DDX60: variants seen among roughly 807,000 people sequenced by gnomAD.
DDX60 encodes the protein probable ATP-dependent RNA helicase DDX60.
Under a neutral mutation model 212.8 loss-of-function variants are expected in DDX60, and 165 were observed. The observed-to-expected ratio is 0.78, with a 90% CI of 0.68 to 0.88. DDX60 has a LOEUF of 0.88. Among genes scored for constraint, DDX60 ranks in the 40% least tolerant of loss-of-function variants. DDX60 has a pLI of 0.00. For missense variants in DDX60, 1,905 were observed against 2,003.9 expected (o/e 0.95, Z 0.94); for synonymous variants, 703 against 685.3 (o/e 1.03, Z -0.40).
At chr4:168,304,504 C>T (rs1440716920) in intron 5 of DDX60, among the ~76,000 whole-genome samples, 1 of 152,058 alleles carries the variant, frequency 6.6e-6, no homozygotes, top group Admixed American at 6.5e-5. Context: ...AGCTTGAGAC[C>T]AGCCTGGGCA....
chr4:168,285,333 G>T (rs183689633), intron 11 of DDX60, 60 bp downstream of exon 11: 3 of 949,346 alleles, frequency 3.2e-6, no homozygotes, highest in East Asian at 2.4e-5. Flanking sequence ...AATAATCCTC[G>T]TTGAGTAACT....
intron 3 of DDX60, among the ~76,000 whole-genome samples, chr4:168,310,616 A>G (rs1465876784): frequency 6.6e-6 from 1 of 152,136 alleles, no homozygotes; most frequent in Admixed American, 6.5e-5. Context: ...AATAGATAGG[A>G]TGGGTGCAAA....
chr4:168,258,936 C>G (rs1374224480), intron 25 of DDX60, among the ~76,000 whole-genome samples: 1 of 152,106 alleles, frequency 6.6e-6, no homozygotes, highest in African/African-American at 2.4e-5. Flanking sequence ...ACTAAAAAAC[C>G]TTGTTAAACT....
At chr4:168,237,522 A>G in intron 31 of DDX60, 95 bp from the exon 32 acceptor site, 1 of 1,277,958 alleles carries the variant, frequency 7.8e-7, no homozygotes, top group Non-Finnish European at 1.1e-6. Flanking sequence ...TAATGCCAAT[A>G]TAAGAAATAT....
chr4:168,268,895 C>A lies in DDX60; in HGVS notation c.2745G>T (p.Leu915Phe). The A allele has an allele frequency of 6.3e-7, 1 of 1,593,322 alleles. No individual in the cohort carries two copies. The highest frequency in any genetic ancestry group is 8.6e-7 in the Non-Finnish European group (1 of 1,167,604). The stretch of plus-strand genomic sequence containing the variant: ...GATTACTTATGGTAGCTGAAAGAGC[C>A]AAAAAGGGACATCGGATCATGACAA... ...HLLVMIRCPFLALSATISNPE... is the reference protein window; with the variant it reads ...HLLVMIRCPFFALSATISNPE... The change falls in exon 20 of 38, where the codon TTG (leucine) becomes TTT (phenylalanine). Residue 915 changes from leucine to phenylalanine, a missense_variant. Coordinates refer to ENST00000393743, the MANE Select transcript of DDX60 (RefSeq NM_017631.6).
the DDX60 span, among the ~76,000 whole-genome samples, chr4:168,324,719 T>A: frequency 6.6e-6 from 1 of 152,244 alleles, no homozygotes; most frequent in African/African-American, 2.4e-5. Context: ...CAGGGTCTTA[T>A]ACTTATGCAT....
At position 168,236,384 on chromosome 4, in the gene DDX60, C is replaced by T. The variant is rs1200181187; in HGVS notation, c.4412-11G>A. The T allele has an allele frequency of 1.3e-6, 2 of 1,588,786 alleles. No homozygotes were observed. The highest frequency in any genetic ancestry group is 1.7e-6 in the Non-Finnish European group (2 of 1,167,864). ...AAAAATGTTTTGAGCCTATATAAAA[C>T]AAAGTGTCTTCTTGTAAATATGAAA... On this transcript the variant is annotated splice_polypyrimidine_tract_variant and intron_variant, in intron 32 of 37. Transcript: ENST00000393743.
intron 9 of DDX60, 39 bp from the exon 10 acceptor site, chr4:168,287,242 C>T (rs761026880): frequency 6.6e-7 from 1 of 1,515,568 alleles, no homozygotes; most frequent in Non-Finnish European, 9.1e-7. Flanking sequence ...TAGAAGCCAT[C>T]CACTCCCACA....
At chr4:168,285,214 C>T (rs969599687) in intron 11 of DDX60, among the ~76,000 whole-genome samples, 179 bp downstream of exon 11, 2 of 152,114 alleles carry the variant, frequency 1.3e-5, no homozygotes, top group Non-Finnish European at 2.9e-5. Context: ...AAAAACTATA[C>T]AGATTTTTAC....
intron 19 of DDX60, among the ~76,000 whole-genome samples, chr4:168,271,140 A>T (rs1305947060): frequency 6.6e-6 from 1 of 152,242 alleles, no homozygotes; most frequent in Non-Finnish European, 1.5e-5. Context: ...AGCTTCCCAC[A>T]GTCCTGGGAT....
intron 33 of DDX60, among the ~76,000 whole-genome samples, chr4:168,233,326 TCTA>T: frequency 6.6e-6 from 1 of 151,998 alleles, no homozygotes; most frequent in East Asian, 1.9e-4. Flanking sequence ...TAAAAGTAGA[TCTA>T]CCATTTGATC....
intron 2 of DDX60, 60 bp from the exon 3 acceptor site, chr4:168,311,127 A>G (rs535552367): frequency 4.3e-6 from 6 of 1,408,500 alleles, no homozygotes; most frequent in Non-Finnish European, 6.0e-6. Flanking sequence ...TCCTTTTTAC[A>G]GGAGCTATCA....
intron 28 of DDX60, among the ~76,000 whole-genome samples, chr4:168,248,921 G>A (rs1391618835): frequency 1.3e-5 from 2 of 151,874 alleles, no homozygotes; most frequent in Non-Finnish European, 2.9e-5. Flanking sequence ...CACTACATTC[G>A]GCTAATTTTT....
At chr4:168,257,287 C>T (rs1004075343) in intron 25 of DDX60, among the ~76,000 whole-genome samples, 2 of 151,278 alleles carry the variant, frequency 1.3e-5, no homozygotes, top group East Asian at 1.9e-4. Flanking sequence ...CCAGCCTGGG[C>T]GACAGAGTAA....
At position 168,248,305 on chromosome 4, in the gene DDX60, T is replaced by C. The variant is rs750037006; in HGVS notation, c.3859-13A>G. 5 of 1,546,522 alleles carry C rather than the reference T, an allele frequency of 3.2e-6. No individual in the cohort carries two copies. Among genetic ancestry groups the C allele is most frequent in the Non-Finnish European group, 4.4e-6 (5 of 1,139,344 alleles). ...TAGCTGTCACCACCTTGAAAGAGAA[T>C]AAAACAATTACTTCATAAAATAGCA... On this transcript the variant is annotated splice_polypyrimidine_tract_variant and intron_variant, in intron 28 of 37. Coordinates refer to ENST00000393743, the MANE Select transcript of DDX60 (RefSeq NM_017631.6).
intron 10 of DDX60, among the ~76,000 whole-genome samples, chr4:168,286,332 TG>T (rs1221487435): frequency 1.3e-5 from 2 of 150,578 alleles, no homozygotes; most frequent in African/African-American, 2.5e-5. Context: ...AAAATACAGA[TG>T]GTAATGAAAT....
intron 6 of DDX60, among the ~76,000 whole-genome samples, chr4:168,294,632 C>T (rs1736261052): frequency 6.6e-6 from 1 of 152,112 alleles, no homozygotes; most frequent in African/African-American, 2.4e-5. Context: ...TCCCAAGTAG[C>T]TAGGATTACA....
chr4:168,250,613 C>T (rs903958968), intron 28 of DDX60, among the ~76,000 whole-genome samples: 1 of 151,222 alleles, frequency 6.6e-6, no homozygotes, highest in Non-Finnish European at 1.5e-5. Flanking sequence ...GCAACCTCCA[C>T]CTCCCGGGTT....
In DDX60 at chr4:168,272,078, A is replaced by T. The variant is rs1261467701; in HGVS notation, c.2635T>A (p.Trp879Arg). Residue 879 changes from tryptophan to arginine, a missense_variant, in exon 19 of 38, where the codon TGG (tryptophan) becomes AGG (arginine). Coordinates refer to ENST00000393743, the MANE Select transcript of DDX60 (RefSeq NM_017631.6). ...ILLLAPHRQN[W>R]VKKIRYVIFD... ...ATAACATATCTGATCTTTTTCACCCAGTTTTGGCGATGAGGAGCAAGCAGC... is the reference window on the plus strand; with the variant it reads ...ATAACATATCTGATCTTTTTCACCCTGTTTTGGCGATGAGGAGCAAGCAGC... The T allele has an allele frequency of 6.3e-7, 1 of 1,587,484 alleles. No individual in the cohort carries two copies. The highest frequency in any genetic ancestry group is 8.6e-7 in the Non-Finnish European group (1 of 1,164,192).
Sources: allele counts gnomAD v4.1 joint callset (sites outside exome capture counted in the v4.1 genomes callset), GRCh38; gene constraint gnomAD v4.1.1; transcripts MANE v1.5; gene names NCBI Gene and HGNC (gene_info 2026-07-23, HGNC 2026-07-21).